KCNN2: variants seen among roughly 807,000 people sequenced by gnomAD.
KCNN2 encodes the protein small conductance calcium-activated potassium channel protein 2.
KCNN2 carries 24 observed loss-of-function variants against 55.5 expected under a neutral mutation model. The observed-to-expected ratio is 0.43, with a 90% CI of 0.31 to 0.61. The LOEUF (loss-of-function observed/expected upper bound fraction) is 0.61. KCNN2 is among the 20% of genes least tolerant of loss of function. KCNN2 has a pLI of 0.08. For synonymous variants in KCNN2, 431 were observed against 336.1 expected, an observed-to-expected ratio of 1.28 and a Z score of -3.09; for missense variants, 754 against 853.6, an observed-to-expected ratio of 0.88 and a Z score of 1.45.
intron 3 of KCNN2, among the ~76,000 whole-genome samples, chr5:114,441,234 A>C (rs1760197978): frequency 6.6e-6 from 1 of 152,226 alleles, no homozygotes; most frequent in African/African-American, 2.4e-5. Context: ...TACATTTACT[A>C]TTATAGTGCA....
intron 1 of KCNN2, among the ~76,000 whole-genome samples, chr5:114,203,699 A>C (rs546980244): frequency 1.3e-5 from 2 of 152,328 alleles, no homozygotes; most frequent in Non-Finnish European, 2.9e-5. Context: ...ATTCTGCACC[A>C]GCTACATCTG....
chr5:114,159,171 C>A (rs1475077313), intron 1 of KCNN2, among the ~76,000 whole-genome samples: 1 of 152,100 alleles, frequency 6.6e-6, no homozygotes, highest in South Asian at 2.1e-4. Context: ...TTTTGAGATA[C>A]GTCCCATCAA....
At chr5:114,311,532 C>A (rs186960475) in intron 2 of KCNN2, among the ~76,000 whole-genome samples, 88 of 152,170 alleles carry the variant, frequency 5.8e-4, no homozygotes, top group Non-Finnish European at 5.9e-5. Flanking sequence ...TTTTGGCAGG[C>A]TCCCTCTCTC....
intron 2 of KCNN2, among the ~76,000 whole-genome samples, chr5:114,288,502 A>ACACACG (rs1755807243): frequency 7.7e-6 from 1 of 130,046 alleles, no homozygotes; most frequent in Admixed American, 7.0e-5. Flanking sequence ...ATATATATAC[A>ACACACG]CACACACACA....
At chr5:114,434,980 A>T (rs1759952452) in intron 3 of KCNN2, among the ~76,000 whole-genome samples, 1 of 152,164 alleles carries the variant, frequency 6.6e-6, no homozygotes, top group Non-Finnish European at 1.5e-5. Context: ...GGGCTTATAA[A>T]ATGGTTACTT....
rs1263333944 is a variant in KCNN2, at chr5:114,495,977, C to T, written c.2171C>T (p.Thr724Ile). ...DFEKRIVTLE[T>I]KLETLIGSIH... ...GAGAAGAGGATTGTTACCCTGGAAACAAAACTAGAGACTTTGATTGGTAGC... is the reference window on the plus strand; with the variant it reads ...GAGAAGAGGATTGTTACCCTGGAAATAAAACTAGAGACTTTGATTGGTAGC... Residue 724 changes from threonine (T) to isoleucine (I), a missense_variant, in exon 8 of 8, where the codon ACA becomes ATA. By Grantham distance (89) the Thr-to-Ile change is moderately conservative (BLOSUM62 -1). This residue lies in a region of KCNN2 where 164 missense variants were observed against 156.6 expected (regional missense o/e 1.05). Coordinates refer to ENST00000673685, the MANE Select transcript of KCNN2 (RefSeq NM_021614.4). The T allele has an allele frequency of 6.2e-7, 1 of 1,613,928 alleles. No homozygotes were observed. Among genetic ancestry groups the T allele is most frequent in the Admixed American group, 1.7e-5 (1 of 60,000 alleles).
chr5:114,253,257 A>C (rs531534424), intron 2 of KCNN2, among the ~76,000 whole-genome samples: 1 of 151,834 alleles, frequency 6.6e-6, no homozygotes, highest in Non-Finnish European at 1.5e-5. Flanking sequence ...ACAGAACTAG[A>C]ATTAATAATC....
intron 3 of KCNN2, among the ~76,000 whole-genome samples, chr5:114,453,913 G>A (rs897689793): frequency 2.6e-5 from 4 of 151,938 alleles, no homozygotes; most frequent in Admixed American, 6.6e-5. Context: ...CTGTCAACCC[G>A]TCATCTAGGT....
At chr5:114,451,282 T>C (rs1456564179) in intron 3 of KCNN2, among the ~76,000 whole-genome samples, 2 of 152,182 alleles carry the variant, frequency 1.3e-5, no homozygotes, top group Non-Finnish European at 2.9e-5. Context: ...AACTTTATTT[T>C]AAAGTAAGCT....
chr5:114,180,733 A>T (rs1238010705), intron 1 of KCNN2, among the ~76,000 whole-genome samples: 1 of 152,162 alleles, frequency 6.6e-6, no homozygotes, highest in Non-Finnish European at 1.5e-5. Flanking sequence ...CAAACCCCTA[A>T]TACAATACAG....
chr5:114,357,450 TC>T (rs1261334685), upstream of KCNN2, among the ~76,000 whole-genome samples: 1 of 87,992 alleles, frequency 1.1e-5, no homozygotes, highest in African/African-American at 4.5e-5. Context: ...CCCTCCCCCC[TC>T]CCCCCACCCC....
chr5:114,366,117 A>G (rs1757592784), intron 2 of KCNN2, among the ~76,000 whole-genome samples: 1 of 152,260 alleles, frequency 6.6e-6, no homozygotes, highest in South Asian at 2.1e-4. Flanking sequence ...TCATATTTTT[A>G]TAGATTAATG....
chr5:114,405,856 G>A (rs1414406199), intron 3 of KCNN2, among the ~76,000 whole-genome samples: 3 of 151,832 alleles, frequency 2.0e-5, no homozygotes, highest in Non-Finnish European at 4.4e-5. Flanking sequence ...GACTACAGGT[G>A]CCTGCCACCA....
chr5:114,350,989 C>A (rs550521351), intron 2 of KCNN2, among the ~76,000 whole-genome samples: 23 of 151,892 alleles, frequency 1.5e-4, no homozygotes, highest in African/African-American at 5.3e-4. Context: ...TTCTCCCAAA[C>A]CCTATCAGCT....
rs960509649 is a variant in KCNN2 at position 114,280,016 on chromosome 5, A to C, written c.-185+58451A>C. On this transcript the variant is annotated intron_variant, in intron 2 of 10. Coordinates refer to the KCNN2 transcript ENST00000512097. ...TCTAACTGGTGTAAGATGGTATCTC[A>C]CTGTGGTTTTGATTTGCATTTCTCT... Among the ~76,000 whole-genome samples, 26 of 152,202 alleles carry C rather than the reference A, an allele frequency of 1.7e-4. 1 individual carries two copies. The South Asian group carries it at 2.3e-3, about 13-fold the overall frequency.
At chr5:114,480,411 C>A (rs989801646) in intron 5 of KCNN2, among the ~76,000 whole-genome samples, 1 of 152,144 alleles carries the variant, frequency 6.6e-6, no homozygotes, top group Admixed American at 6.6e-5. Flanking sequence ...ACATTCACAA[C>A]TGAATTTTAC....
chr5:114,142,948 C>A (rs576922371), intron 1 of KCNN2, among the ~76,000 whole-genome samples: 1 of 152,282 alleles, frequency 6.6e-6, no homozygotes, highest in East Asian at 1.9e-4. Flanking sequence ...AGGCATCACG[C>A]TACCTGTATT....
At chr5:114,255,478 A>T (rs960073986) in intron 2 of KCNN2, among the ~76,000 whole-genome samples, 1 of 152,174 alleles carries the variant, frequency 6.6e-6, no homozygotes, top group Non-Finnish European at 1.5e-5. Context: ...TTATCAAAGG[A>T]TGTAGAGAGG....
intron 3 of KCNN2, among the ~76,000 whole-genome samples, chr5:114,460,326 T>C (rs1186430086): frequency 6.6e-6 from 1 of 152,152 alleles, no homozygotes; most frequent in African/African-American, 2.4e-5. Flanking sequence ...CACTGCAACC[T>C]CTGCCTCCCA....
Sources: gnomAD v4.1 joint callset for allele counts (sites outside exome capture counted in the v4.1 genomes callset) on GRCh38, gnomAD v4.1.1 for gene constraint, gnomAD v4.1.1 regional missense constraint, MANE v1.5 for transcripts, NCBI Gene and HGNC (gene_info 2026-07-23, HGNC 2026-07-21) for gene names.